The following HSD17B14 variants were observed in gnomAD, a reference collection of about 807,000 sequenced individuals.
HSD17B14 encodes the protein L-fucose dehydrogenase.
A neutral mutation model predicts 32.2 loss-of-function variants in HSD17B14; 32 were observed. The ratio of observed to expected loss-of-function variants is 0.99; its 90% CI spans 0.75 to 1.33. HSD17B14 has a LOEUF of 1.33. Among genes scored for constraint, HSD17B14 ranks in the 40% most tolerant of loss-of-function variants. The pLI, the probability that HSD17B14 is intolerant of heterozygous loss-of-function variation, is 0.00. For missense variants in HSD17B14, 370 were observed against 366.5 expected, an observed-to-expected ratio of 1.01 and a Z score of -0.08; for synonymous variants, 140 against 155.4, an observed-to-expected ratio of 0.90 and a Z score of 0.74.
At chr19:48,817,002 AT>A (rs758061335) in intron 5 of HSD17B14, among the ~76,000 whole-genome samples, 34,645 of 97,550 alleles carry the variant, frequency 0.36, 5,744 homozygotes, top group African/African-American at 0.38. Flanking sequence ...CACCAGGATA[AT>A]TTTTTTTTTT....
intron 5 of HSD17B14, among the ~76,000 whole-genome samples, chr19:48,820,459 G>C (rs693254): frequency 0.029 from 4,447 of 151,774 alleles, 213 homozygotes; most frequent in African/African-American, 0.1. Context: ...GAAAGAGTGA[G>C]ACACCATCTC....
At chr19:48,816,805 TTC>T (rs2035061585) in intron 5 of HSD17B14, among the ~76,000 whole-genome samples, 1 of 117,798 alleles carries the variant, frequency 8.5e-6, no homozygotes, top group African/African-American at 3.7e-5. Flanking sequence ...CTTTCTTTCT[TTC>T]TTTCTTTCTT....
rs1352133457 is a variant in HSD17B14 at position 48,816,826 on chromosome 19, T to TCTTTCTTTCTTTC, written c.370-1686_370-1685insGAAAGAAAGAAAG. Among the ~76,000 whole-genome samples the TCTTTCTTTCTTTC allele has an allele frequency of 1.6e-3, 237 of 148,988 alleles. 3 individuals are homozygous for TCTTTCTTTCTTTC. Among genetic ancestry groups the TCTTTCTTTCTTTC allele is most frequent in the African/African-American group, 5.2e-3 (208 of 39,738 alleles). Reference sequence around the variant, plus strand: ...TTCTTTCTTTCTTTCTTTCTTTCTTTTCTTTCTCTCTCTCTCTCTCTTTCT... The same window carrying TCTTTCTTTCTTTC: ...TTCTTTCTTTCTTTCTTTCTTTCTTTCTTTCTTTCTTTCTCTTTCTCTCTCTCTCTCTCTTTCT... On this transcript the variant is annotated intron_variant, in intron 5 of 8. Transcript: ENST00000263278.
intron 5 of HSD17B14, among the ~76,000 whole-genome samples, chr19:48,815,657 C>T (rs688712): frequency 0.029 from 4,465 of 151,948 alleles, 211 homozygotes; most frequent in African/African-American, 0.098. Flanking sequence ...ATTACAGGCA[C>T]GAGGCATCAC....
chr19:48,835,793 A>G lies in HSD17B14; in HGVS notation c.127+12T>C, dbSNP rs2035496870. On this transcript the variant is annotated intron_variant, in intron 2 of 8. Coordinates refer to ENST00000263278, the MANE Select transcript of HSD17B14 (RefSeq NM_016246.3). ...GAAGGGCCAAGGTGAGGGCTGAGGG[A>G]CCGTCACTCACCATCCTTGTCGCAG... 1 of 1,613,380 alleles carries G rather than the reference A, an allele frequency of 6.2e-7. No individual in the cohort carries two copies. The highest frequency in any genetic ancestry group is 8.5e-7 in the Non-Finnish European group (1 of 1,179,554).
chr19:48,813,569 G>A lies in HSD17B14; in HGVS notation c.543-17C>T. 2.5e-6 allele frequency: 4 copies of A among 1,613,454 alleles called. No individual in the cohort carries two copies. Among genetic ancestry groups the A allele is most frequent in the Non-Finnish European group, 3.4e-6 (4 of 1,179,448 alleles). ...GGGGAGATACTAGAGGAAGGGAGAG[G>A]GGGGATCAAAGCAATCTGTCTCGAA... On this transcript the variant is annotated splice_polypyrimidine_tract_variant and intron_variant, in intron 7 of 8. Coordinates refer to ENST00000263278, the MANE Select transcript of HSD17B14 (RefSeq NM_016246.3).
intron 5 of HSD17B14, among the ~76,000 whole-genome samples, chr19:48,820,941 A>G (rs1257001098): frequency 1.3e-5 from 2 of 151,782 alleles, no homozygotes; most frequent in Non-Finnish European, 2.9e-5. Flanking sequence ...TGACCTTGTG[A>G]TCTGCCTGCT....
chr19:48,836,425 GTC>G lies in HSD17B14; in HGVS notation c.-16_-15del, dbSNP rs146134551. On this transcript the variant is annotated 5_prime_UTR_variant, in exon 1 of 9. Transcript: ENST00000263278. ...TCCCGTAGCCATCCCGTGTACGTCGGTCTCTCTCTCTCTCTACTCTGGGCCTC... is the reference window on the plus strand; with the variant it reads ...TCCCGTAGCCATCCCGTGTACGTCGGTCTCTCTCTCTCTACTCTGGGCCTC... The G allele has an allele frequency of 0.014, 20,700 of 1,454,736 alleles. 1,029 individuals carry two copies. In the African/African-American group the frequency reaches 0.17, roughly 12 times the overall value. The allele number at this position is 1,454,736 out of a possible 1,614,324, so 90.1% of individuals were successfully genotyped here.
chr19:48,813,958 G>A (rs1214122011), intron 6 of HSD17B14, among the ~76,000 whole-genome samples: 1 of 152,196 alleles, frequency 6.6e-6, no homozygotes, highest in African/African-American at 2.4e-5. Context: ...CACTTTGGGA[G>A]GCCGGGATGG....
At chr19:48,834,536 C>T (rs1281267532) in intron 2 of HSD17B14, among the ~76,000 whole-genome samples, 178 bp from the exon 3 acceptor site, 3 of 83,704 alleles carry the variant, frequency 3.6e-5, no homozygotes, top group Non-Finnish European at 6.1e-5. Context: ...GGGGCCTGGA[C>T]TCCTGGGTCT....
rs1413718214 is a variant in HSD17B14 at position 48,813,672 on chromosome 19, C to T, written c.533G>A (p.Arg178Gln). The change falls in exon 7 of 9, where the codon CGA becomes CAA. Residue 178 changes from arginine (R) to glutamine (Q), a missense_variant. By Grantham distance (43) the Arg-to-Gln change is conservative (BLOSUM62 1). Coordinates refer to ENST00000263278, the MANE Select transcript of HSD17B14 (RefSeq NM_016246.3). ...GCTCAGAGCAGCTCACCAGTTGACT[C>T]GGACACCATATGGACTTTCATCCAG... is the stretch of plus-strand genomic sequence containing the variant. Reference protein sequence around the residue: ...LALDESPYGVRVNCISPGNIW... With the variant: ...LALDESPYGVQVNCISPGNIW... The T allele has an allele frequency of 5.6e-6, 9 of 1,614,166 alleles. No homozygotes were observed. The highest frequency in any genetic ancestry group is 2.2e-5 in the East Asian group (1 of 44,886).
intron 6 of HSD17B14, among the ~76,000 whole-genome samples, chr19:48,814,100 C>T (rs942648592): frequency 6.6e-6 from 1 of 151,632 alleles, no homozygotes; most frequent in Non-Finnish European, 1.5e-5. Context: ...GAGGCTGAGG[C>T]GTGAGAATCG....
In HSD17B14 at chr19:48,835,949, C is replaced by A. The variant is rs1048206627; in HGVS notation, c.89-106G>T. 22 of 989,566 alleles carry A rather than the reference C, an allele frequency of 2.2e-5. No individual in the cohort carries two copies. In the Middle Eastern group the frequency reaches 8.5e-4, roughly 38 times the overall value. 61.3% of individuals were successfully genotyped at this position (989,566 alleles called of 1,614,324 possible). A position where few individuals can be genotyped will look rare whatever the true frequency, so the allele number is the denominator to read the frequency against. On this transcript the variant is annotated intron_variant, in intron 1 of 8. Transcript: ENST00000263278. Reference sequence around the variant, plus strand: ...GCTGATCTCCCTCTCCCCTCGTGACCCCAGTCTCATGATCACCCATAGGAC... The same window carrying A: ...GCTGATCTCCCTCTCCCCTCGTGACACCAGTCTCATGATCACCCATAGGAC...
chr19:48,813,889 T>G (rs924682008), intron 6 of HSD17B14, among the ~76,000 whole-genome samples, 159 bp from the exon 7 acceptor site: 2 of 152,178 alleles, frequency 1.3e-5, no homozygotes, highest in African/African-American at 2.4e-5. Flanking sequence ...TGGGAGAAAC[T>G]TGGCATAGAA....
chr19:48,823,799 C>T (rs111410375), intron 5 of HSD17B14, among the ~76,000 whole-genome samples: 1 of 150,516 alleles, frequency 6.6e-6, no homozygotes, highest in African/African-American at 2.4e-5. Flanking sequence ...CACCCTGCCC[C>T]GCTAATTTTT....
At position 48,813,305 on chromosome 19, in the gene HSD17B14, G is replaced by T; in HGVS notation, c.683C>A (p.Ala228Glu). Residue 228 changes from alanine (A) to glutamate (E), a missense_variant, in exon 9 of 9, where the codon GCA (alanine) becomes GAA (glutamate). Coordinates refer to ENST00000263278, the MANE Select transcript of HSD17B14 (RefSeq NM_016246.3). ...GTTGGCTTCGGAGGCCAGGAACACT[G>T]CCGCAGCCCCGACCTCAGCGGGCTG... is the stretch of plus-strand genomic sequence containing the variant. ...MGQPAEVGAA[A>E]VFLASEANFC... is the part of the protein sequence containing the mutation. 6.3e-7 allele frequency: 1 copy of T among 1,599,156 alleles called. No homozygotes were observed. The highest frequency in any genetic ancestry group is 8.5e-7 in the Non-Finnish European group (1 of 1,172,954).
At position 48,834,302 on chromosome 19, in the gene HSD17B14, C is replaced by A. The variant is rs139987974; in HGVS notation, c.184G>T (p.Asp62Tyr). ...TTCACATCATCTTCCTGAGTCACATCACAGAGGATAAAGACAGCTCCAGGG... is the reference window on the plus strand; with the variant it reads ...TTCACATCATCTTCCTGAGTCACATAACAGAGGATAAAGACAGCTCCAGGG... ...ELPGAVFILC[D>Y]VTQEDDVKTL... The change falls in exon 3 of 9, where the codon GAT becomes TAT. Residue 62 changes from aspartate to tyrosine, a missense_variant. Transcript: ENST00000263278. 2,373 of 1,614,054 alleles carry A rather than the reference C, an allele frequency of 1.5e-3. 8 individuals are homozygous for A. The highest frequency in any genetic ancestry group is 1.7e-3 in the Non-Finnish European group (1,951 of 1,179,928).
At chr19:48,820,828 C>T (rs993268616) in intron 5 of HSD17B14, among the ~76,000 whole-genome samples, 1 of 151,452 alleles carries the variant, frequency 6.6e-6, no homozygotes, top group African/African-American at 2.4e-5. Context: ...TATGGCGAGA[C>T]CCCATTCTCC....
intron 5 of HSD17B14, among the ~76,000 whole-genome samples, chr19:48,820,925 A>T (rs1469475745): frequency 6.6e-6 from 1 of 152,084 alleles, no homozygotes; most frequent in East Asian, 1.9e-4. Context: ...GCTGGTCTCA[A>T]ACCCCTGACC....
Sources: gnomAD v4.1 joint callset for allele counts (sites outside exome capture counted in the v4.1 genomes callset) on GRCh38, gnomAD v4.1.1 for gene constraint, MANE v1.5 for transcripts, NCBI Gene and HGNC (gene_info 2026-07-23, HGNC 2026-07-21) for gene names.